The following SUGP1 variants were observed in gnomAD, a reference collection of about 807,000 sequenced individuals.
SUGP1 encodes the protein SURP and G-patch domain containing 1.
Under a neutral mutation model 76.5 loss-of-function variants are expected in SUGP1, and 34 were observed. The observed-to-expected ratio is 0.44, with a 90% confidence interval of 0.34 to 0.59. SUGP1 has a LOEUF of 0.59. SUGP1 is among the 20% of genes least tolerant of loss of function. The pLI, the probability that SUGP1 is intolerant of heterozygous loss-of-function variation, is 0.01. For missense variants in SUGP1, 752 were observed against 851.7 expected (o/e 0.88, Z 1.46); for synonymous variants, 326 against 326.2 (o/e 1.00, Z 0.01).
intron 11 of SUGP1, 80 bp from the exon 12 acceptor site, chr19:19,277,959 T>C: frequency 6.4e-7 from 1 of 1,563,340 alleles, no homozygotes; most frequent in Non-Finnish European, 8.7e-7. Context: ...GCCTTTGGTT[T>C]CAATCAGTGC....
At chr19:19,276,746 C>T in intron 13 of SUGP1, 72 bp from the exon 14 acceptor site, 1 of 1,606,850 alleles carries the variant, frequency 6.2e-7, no homozygotes, top group Non-Finnish European at 8.5e-7. Flanking sequence ...TGTCTGGAAC[C>T]TTCCGGAGGC....
intron 2 of SUGP1, among the ~76,000 whole-genome samples, chr19:19,313,343 C>A (rs917000472): frequency 6.6e-6 from 1 of 152,016 alleles, no homozygotes; most frequent in Non-Finnish European, 1.5e-5. Context: ...TGCAGTGGGC[C>A]AAGATCGCGC....
chr19:19,303,933 G>A (rs780332477), intron 4 of SUGP1, 86 bp from the exon 5 acceptor site: 2 of 1,603,216 alleles, frequency 1.2e-6, no homozygotes, highest in Non-Finnish European at 1.7e-6. Flanking sequence ...CAACGACAGA[G>A]GGGGTGGGGG....
At chr19:19,293,887 G>A (rs1251423861) in intron 8 of SUGP1, among the ~76,000 whole-genome samples, 75 of 152,030 alleles carry the variant, frequency 4.9e-4, no homozygotes, top group Non-Finnish European at 1.2e-4. Flanking sequence ...GGAAAACCCT[G>A]AAGAATCCAC....
chr19:19,280,097 A>G, intron 9 of SUGP1, 88 bp downstream of exon 9: 1 of 1,282,282 alleles, frequency 7.8e-7, no homozygotes, highest in Non-Finnish European at 1.1e-6. Flanking sequence ...GAAGCACATG[A>G]ACCCCTGTGA....
chr19:19,300,522 C>T (rs1599860830), intron 7 of SUGP1, among the ~76,000 whole-genome samples: 1 of 152,216 alleles, frequency 6.6e-6, no homozygotes, highest in South Asian at 2.1e-4. Context: ...GGTCTGCCAA[C>T]CATGTGGGTC....
In SUGP1 at chr19:19,276,614, T is replaced by C. The variant is rs766566272; in HGVS notation, c.*34A>G. 2.0e-5 allele frequency: 33 copies of C among 1,613,508 alleles called. No homozygotes were observed. In the Admixed American group the frequency reaches 5.2e-4, roughly 25 times the overall value. ...GGAACATTCCACAGTCCAGGGACGG[T>C]TGGTCATTCAGAAAGTATGTATTTC... On this transcript the variant is annotated 3_prime_UTR_variant, in exon 14 of 14. Transcript: ENST00000247001.
chr19:19,303,224 T>A, intron 6 of SUGP1, 124 bp downstream of exon 6: 1 of 761,432 alleles, frequency 1.3e-6, no homozygotes, highest in Non-Finnish European at 2.2e-6. Context: ...CCTGGGAGAA[T>A]ACAGGCCTCA....
chr19:19,296,026 T>G (rs902740671), intron 8 of SUGP1, among the ~76,000 whole-genome samples: 1 of 152,114 alleles, frequency 6.6e-6, no homozygotes, highest in Non-Finnish European at 1.5e-5. Context: ...TTAGGATGGT[T>G]ATAATAAAAA....
intron 8 of SUGP1, chr19:19,281,419 T>A (rs555796393): frequency 1.3e-5 from 2 of 152,284 alleles, no homozygotes; most frequent in Non-Finnish European, 2.9e-5. Flanking sequence ...CCCTCCACCC[T>A]GGCTGCAGTT....
At chr19:19,288,462 G>A (rs780988561) in intron 8 of SUGP1, among the ~76,000 whole-genome samples, 27 of 152,048 alleles carry the variant, frequency 1.8e-4, no homozygotes, top group African/African-American at 5.3e-4. Flanking sequence ...TAAGGCTTCC[G>A]GTCAACAGTA....
chr19:19,286,841 C>T (rs1037525643), intron 8 of SUGP1, among the ~76,000 whole-genome samples: 11 of 152,138 alleles, frequency 7.2e-5, no homozygotes, highest in African/African-American at 2.2e-4. Flanking sequence ...GTCAAGAGTT[C>T]GAGAGCAGCC....
intron 3 of SUGP1, among the ~76,000 whole-genome samples, chr19:19,306,387 G>C (rs942116709): frequency 6.6e-6 from 1 of 152,214 alleles, no homozygotes; most frequent in Non-Finnish European, 1.5e-5. Flanking sequence ...CAGTTCTGCC[G>C]GGTAAGACCC....
At chr19:19,306,106 G>A (rs887827408) in intron 3 of SUGP1, 30 bp from the exon 4 acceptor site, 6 of 1,501,380 alleles carry the variant, frequency 4.0e-6, no homozygotes, top group South Asian at 1.3e-5. Context: ...ATGCGCACTC[G>A]GGATCTGCAG....
chr19:19,295,605 CAA>C (rs55921805), intron 8 of SUGP1, among the ~76,000 whole-genome samples: 15,013 of 65,778 alleles, frequency 0.23, 522 homozygotes, highest in African/African-American at 0.27. Context: ...GACTCCTTCT[CAA>C]AAAAAAAAAA....
intron 3 of SUGP1, among the ~76,000 whole-genome samples, chr19:19,309,472 G>A (rs1027015960): frequency 6.6e-6 from 1 of 152,052 alleles, no homozygotes. Context: ...CAAGAGTGAG[G>A]CCCTCTCAAA....
At chr19:19,316,265 C>T (rs1472132604) in intron 2 of SUGP1, 157 bp downstream of exon 2, 1 of 911,590 alleles carries the variant, frequency 1.1e-6, no homozygotes, top group Non-Finnish European at 1.6e-6. Flanking sequence ...TCTCTCTTGC[C>T]ACAGTGAGCC....
At chr19:19,310,328 C>A (rs2061344857) in intron 2 of SUGP1, 128 bp from the exon 3 acceptor site, 1 of 691,468 alleles carries the variant, frequency 1.4e-6, no homozygotes, top group Admixed American at 2.3e-5. Context: ...AGCACTCTCA[C>A]CTACTGGGAC....
rs754579542 is a variant in SUGP1, at chr19:19,297,079, T to A, written c.1153A>T (p.Ser385Cys). ...SAATVKRKRK[S>C]RWGPEEDKVE... is the part of the protein sequence containing the mutation. The stretch of plus-strand genomic sequence containing the variant: ...TTATCCTCTTCAGGCCCCCACCGGC[T>A]CTTCCGCTTCCTCTTCACGGTGGCT... The change falls in exon 8 of 14, where the codon AGC (serine) becomes TGC (cysteine). Residue 385 changes from serine to cysteine, a missense_variant. By Grantham distance (112) the Ser-to-Cys change is moderately radical. Around this residue, in one of 2 missense-constraint regions of SUGP1, gnomAD observed 620 missense variants for 617.3 expected, o/e 1.00. Coordinates refer to ENST00000247001, the MANE Select transcript of SUGP1 (RefSeq NM_172231.4). The A allele has an allele frequency of 6.2e-7, 1 of 1,613,738 alleles. No homozygotes were observed.
Sources: gnomAD v4.1 joint callset for allele counts (sites outside exome capture counted in the v4.1 genomes callset) on GRCh38, gnomAD v4.1.1 for gene constraint, gnomAD v4.1.1 regional missense constraint, MANE v1.5 for transcripts, NCBI Gene and HGNC (gene_info 2026-07-23, HGNC 2026-07-21) for gene names.